CNOT4: variants seen among roughly 807,000 people sequenced by gnomAD.
CNOT4 encodes the protein CCR4-NOT transcription complex subunit 4.
Under a neutral mutation model 73.8 loss-of-function variants are expected in CNOT4, and 8 were observed. The observed-to-expected ratio is 0.11, with a 90% CI of 0.06 to 0.20. The LOEUF is 0.20. Among genes scored for constraint, CNOT4 ranks in the 10% least tolerant of loss-of-function variants. CNOT4 has a pLI of 1.00. For missense variants in CNOT4, 564 were observed against 883.4 expected (o/e 0.64, Z 4.58); for synonymous variants, 293 against 321.1 (o/e 0.91, Z 0.94).
Position 135,400,358 on chromosome 7 carries a change from C to T in CNOT4, c.822-2132G>A, listed in dbSNP as rs181323766. Among the ~76,000 whole-genome samples the T allele has an allele frequency of 8.5e-4, 129 of 151,994 alleles. 1 individual carries two copies. Among genetic ancestry groups the T allele is most frequent in the African/African-American group, 2.8e-3 (116 of 41,456 alleles). ...GTGGCGGAACATAATAGCGATAATC[C>T]GAGATAAACTTGCACTATACTTAAT... is the stretch of plus-strand genomic sequence containing the variant. On this transcript the variant is annotated intron_variant, in intron 7 of 11. Transcript: ENST00000541284.
At chr7:135,485,132 G>A (rs1802633031) in intron 1 of CNOT4, among the ~76,000 whole-genome samples, 1 of 152,136 alleles carries the variant, frequency 6.6e-6, no homozygotes. Context: ...GAGTGCAGTG[G>A]CACGATCTTG....
chr7:135,378,251 C>A (rs140110727), intron 10 of CNOT4, among the ~76,000 whole-genome samples: 1 of 152,172 alleles, frequency 6.6e-6, no homozygotes, highest in African/African-American at 2.4e-5. Context: ...CGCCTGTAAT[C>A]CCAGCACTTT....
chr7:135,465,743 A>T lies in CNOT4; in HGVS notation c.-92-27320T>A, dbSNP rs1246172428. 2.3e-4 allele frequency among the ~76,000 whole-genome samples: 34 copies of T among 149,580 alleles called. No homozygotes were observed. The South Asian group carries it at 2.3e-3, about 10-fold the overall frequency. ...TGTGTGTGTTTAACAAAAAAAAAAA[A>T]TTTTTTTTTTTAATTAAAATAAGGC... On this transcript the variant is annotated intron_variant, in intron 1 of 11. Coordinates refer to ENST00000541284, the MANE Select transcript of CNOT4 (RefSeq NM_001190850.2).
intron 1 of CNOT4, among the ~76,000 whole-genome samples, chr7:135,478,693 ACT>A (rs1802155520): frequency 6.6e-6 from 1 of 152,012 alleles, no homozygotes; most frequent in South Asian, 2.1e-4. Context: ...ACAGAATGAA[ACT>A]CTGTCTGAAT....
chr7:135,457,816 C>T (rs552442236), intron 1 of CNOT4, among the ~76,000 whole-genome samples: 20 of 152,174 alleles, frequency 1.3e-4, no homozygotes, highest in African/African-American at 4.8e-4. Flanking sequence ...TGTACCTATA[C>T]AGATATCAAG....
chr7:135,362,226 C>T lies in CNOT4; in HGVS notation c.*659G>A, dbSNP rs1456944604. 1 of 152,236 alleles carries T rather than the reference C, an allele frequency of 6.6e-6. No homozygotes were observed. The highest frequency in any genetic ancestry group is 1.5e-5 in the Non-Finnish European group (1 of 68,198). 9.4% of individuals were successfully genotyped at this position (152,236 alleles called of 1,614,324 possible). On this transcript the variant is annotated 3_prime_UTR_variant, in exon 12 of 12. Transcript: ENST00000541284. ...AAATTTTTCTCCTTTAAAAAAATTA[C>T]TTCTCACCTCCTTATGAACTCTTTA...
chr7:135,463,876 A>G (rs772300069), intron 1 of CNOT4, among the ~76,000 whole-genome samples: 1 of 152,068 alleles, frequency 6.6e-6, no homozygotes, highest in Non-Finnish European at 1.5e-5. Flanking sequence ...GCAAAGGACA[A>G]GAACAGACAC....
chr7:135,466,319 C>G lies in CNOT4; in HGVS notation c.-92-27896G>C, dbSNP rs1801216328. On this transcript the variant is annotated intron_variant, in intron 1 of 11. Coordinates refer to ENST00000541284, the MANE Select transcript of CNOT4 (RefSeq NM_001190850.2). ...CAACAACATGTCTCTACTAAAAATA[C>G]AAAAATTAGCCAGGCGTGGTGGCAT... Among the ~76,000 whole-genome samples, 4 of 150,998 alleles carry G rather than the reference C, an allele frequency of 2.6e-5. No individual in the cohort carries two copies. The South Asian group carries it at 8.4e-4, about 32-fold the overall frequency.
chr7:135,491,938 T>C (rs1803137855), intron 1 of CNOT4, among the ~76,000 whole-genome samples: 3 of 152,164 alleles, frequency 2.0e-5, no homozygotes, highest in Admixed American at 1.3e-4. Context: ...CCTGGGACTA[T>C]ATAGAAACAT....
chr7:135,417,319 G>C (rs1797925139), intron 3 of CNOT4, among the ~76,000 whole-genome samples: 1 of 152,206 alleles, frequency 6.6e-6, no homozygotes, highest in Non-Finnish European at 1.5e-5. Flanking sequence ...ACCTTGAATA[G>C]CAAGGTTCTA....
At chr7:135,366,051 C>T (rs563497014) in intron 10 of CNOT4, among the ~76,000 whole-genome samples, 2 of 152,220 alleles carry the variant, frequency 1.3e-5, no homozygotes, top group South Asian at 4.1e-4. Flanking sequence ...TAAAATCCCC[C>T]AGAAATAAAA....
intron 1 of CNOT4, among the ~76,000 whole-genome samples, chr7:135,489,907 C>A (rs1802995960): frequency 6.6e-6 from 1 of 152,140 alleles, no homozygotes; most frequent in Admixed American, 6.5e-5. Context: ...ACTACATGAG[C>A]CTCTCTGAAA....
Position 135,434,952 on chromosome 7 carries a change from T to C in CNOT4, c.174+3206A>G, listed in dbSNP as rs999486267. On this transcript the variant is annotated intron_variant, in intron 2 of 11. Transcript: ENST00000541284. ...ATAATAAAGTTCATGAATCTTTGCA[T>C]GTGTGAAAATGTTTTATTATGCCTT... Among the ~76,000 whole-genome samples the C allele has an allele frequency of 2.0e-4, 30 of 152,214 alleles. 1 individual carries two copies. Among genetic ancestry groups the C allele is most frequent in the Non-Finnish European group, 2.9e-4 (20 of 68,036 alleles).
At chr7:135,383,022 T>A (rs923836799) in intron 10 of CNOT4, among the ~76,000 whole-genome samples, 2 of 152,210 alleles carry the variant, frequency 1.3e-5, no homozygotes, top group Non-Finnish European at 2.9e-5. Flanking sequence ...CCCAATAATT[T>A]GTAGATTTTA....
At chr7:135,450,321 T>C (rs929715599) in intron 1 of CNOT4, among the ~76,000 whole-genome samples, 1 of 152,118 alleles carries the variant, frequency 6.6e-6, no homozygotes, top group Non-Finnish European at 1.5e-5. Flanking sequence ...GAAATTTTTT[T>C]TTCTGTTTGT....
At chr7:135,469,843 A>G (rs1189534366) in intron 1 of CNOT4, among the ~76,000 whole-genome samples, 1 of 151,958 alleles carries the variant, frequency 6.6e-6, no homozygotes, top group African/African-American at 2.4e-5. Flanking sequence ...TGTTTTTGAG[A>G]TGGAGTCTTG....
intron 1 of CNOT4, among the ~76,000 whole-genome samples, chr7:135,485,502 T>C (rs1802659796): frequency 6.6e-6 from 1 of 152,214 alleles, no homozygotes; most frequent in Non-Finnish European, 1.5e-5. Flanking sequence ...TAAGGATAAC[T>C]ATACCGCTAC....
At chr7:135,416,589 G>C (rs1050596171) in intron 3 of CNOT4, among the ~76,000 whole-genome samples, 4 of 152,166 alleles carry the variant, frequency 2.6e-5, no homozygotes, top group African/African-American at 9.7e-5. Context: ...TTTCTGGCTA[G>C]TGGAGTTTGG....
At chr7:135,480,371 C>T (rs1249895824) in intron 1 of CNOT4, among the ~76,000 whole-genome samples, 1 of 151,984 alleles carries the variant, frequency 6.6e-6, no homozygotes, top group Admixed American at 6.6e-5. Flanking sequence ...TTTTATATAC[C>T]CTTTGGTCTC....
Sources: allele counts gnomAD v4.1 joint callset (sites outside exome capture counted in the v4.1 genomes callset), GRCh38; gene constraint gnomAD v4.1.1; transcripts MANE v1.5; gene names NCBI Gene and HGNC (gene_info 2026-07-23, HGNC 2026-07-21).